Variants in CROCC observed in about 807,000 individuals in gnomAD.
CROCC encodes the protein rootletin.
A neutral mutation model predicts 245.2 loss-of-function variants in CROCC; 180 were observed. The observed-to-expected ratio is 0.73, with a 90% CI of 0.65 to 0.83. The LOEUF (loss-of-function observed/expected upper bound fraction) is 0.83, where lower values mean the gene tolerates loss of function less well. CROCC is among the 40% of genes least tolerant of loss of function. The pLI, the probability that CROCC is intolerant of heterozygous loss-of-function variation, is 0.00. For missense variants in CROCC, 2,688 were observed against 2,779.4 expected, an observed-to-expected ratio of 0.97 and a Z score of 0.74; for synonymous variants, 1,205 against 1,241.6, an observed-to-expected ratio of 0.97 and a Z score of 0.62.
chr1:16,928,422 G>GGA (rs2075585019), intron 3 of CROCC, among the ~76,000 whole-genome samples: 1 of 152,244 alleles, frequency 6.6e-6, no homozygotes, highest in African/African-American at 2.4e-5. Context: ...GAGGATGTGC[G>GGA]GGATGGAAGC....
At chr1:16,939,215 C>CGGGGGT (rs1464212435) in intron 12 of CROCC, 73 bp downstream of exon 12, 141 of 491,094 alleles carry the variant, frequency 2.9e-4, no homozygotes, top group African/African-American at 2.9e-3. Context: ...CGGGTGGGGG[C>CGGGGGT]GGGGGCGGGG....
intron 27 of CROCC, 122 bp downstream of exon 27, chr1:16,961,252 T>G (rs2076328969): frequency 3.0e-6 from 3 of 1,011,050 alleles, no homozygotes; most frequent in Admixed American, 4.5e-5. Context: ...CCACCACACC[T>G]CTCCACTGAG....
At position 16,937,751 on chromosome 1, in the gene CROCC, G is replaced by A; in HGVS notation, c.1290+14G>A. 6.2e-7 allele frequency: 1 copy of A among 1,600,128 alleles called. No individual in the cohort carries two copies. The highest frequency in any genetic ancestry group is 8.5e-7 in the Non-Finnish European group (1 of 1,170,906). On this transcript the variant is annotated intron_variant, in intron 10 of 36. Transcript: ENST00000375541. ...CTTGAGGCCCTGGTGAGCTGCAGGT[G>A]CCCCTGAGATGGGGCAGGGTGAGAT...
At chr1:16,925,971 T>C (rs1384455774) in intron 3 of CROCC, among the ~76,000 whole-genome samples, 1 of 152,240 alleles carries the variant, frequency 6.6e-6, no homozygotes, top group Non-Finnish European at 1.5e-5. Context: ...CAGGGCCGCC[T>C]CTTAAATGCC....
rs767230947 is a variant in CROCC, at chr1:16,965,999, G to C, written c.4576G>C (p.Asp1526His). 90 of 1,612,232 alleles carry C rather than the reference G, an allele frequency of 5.6e-5. No individual in the cohort carries two copies. Among genetic ancestry groups the C allele is most frequent in the Non-Finnish European group, 7.5e-5 (88 of 1,178,706 alleles). ...QELRSAQRER[D>H]ELRTQTSALN... ...TTGTTCCCCCATGTCGGGGCTACAGGACGAACTTCGGACCCAGACCAGTGC... is the reference window on the plus strand; with the variant it reads ...TTGTTCCCCCATGTCGGGGCTACAGCACGAACTTCGGACCCAGACCAGTGC... Residue 1526 changes from aspartate (D) to histidine (H), a missense_variant and splice_region_variant, in exon 29 of 37, where the codon GAC (aspartate) becomes CAC (histidine). Coordinates refer to ENST00000375541, the MANE Select transcript of CROCC (RefSeq NM_014675.5).
rs754854275 is a variant in CROCC, at chr1:16,968,305, G to C, written c.4963G>C (p.Glu1655Gln). 100 of 1,551,046 alleles carry C rather than the reference G, an allele frequency of 6.4e-5. No homozygotes were observed. Among genetic ancestry groups the C allele is most frequent in the Non-Finnish European group, 8.4e-5 (97 of 1,148,146 alleles). Residue 1655 changes from glutamate to glutamine, a missense_variant, in exon 31 of 37, where the codon GAG becomes CAG. Glu to Gln is a conservative substitution (Grantham distance 29, BLOSUM62 2). This residue lies in a region of CROCC where 1,218 missense variants were observed against 1,286.3 expected (regional missense o/e 0.95). Coordinates refer to ENST00000375541, the MANE Select transcript of CROCC (RefSeq NM_014675.5). ...CTCCGAGAGCCGCACTGTCAAGCTG[G>C]AGCTGCAGCGGCGCTCGCTTGAGGG... ...DASESRTVKL[E>Q]LQRRSLEGEL...
At chr1:16,915,475 TACA>T (rs529799791) in intron 1 of CROCC, among the ~76,000 whole-genome samples, 200 of 152,124 alleles carry the variant, frequency 1.3e-3, no homozygotes, top group African/African-American at 4.3e-3. Flanking sequence ...ATCTCATCTC[TACA>T]ACAAGTAAAA....
At chr1:16,946,532 GTC>G in intron 16 of CROCC, 127 bp downstream of exon 16, 1 of 1,379,960 alleles carries the variant, frequency 7.2e-7, no homozygotes, top group Non-Finnish European at 1.0e-6. Flanking sequence ...TTCTCTGTCT[GTC>G]TCTGGTTCTC....
chr1:16,922,528 C>T, intron 1 of CROCC, 135 bp from the exon 2 acceptor site: 1 of 1,307,886 alleles, frequency 7.6e-7, no homozygotes, highest in Non-Finnish European at 1.0e-6. Flanking sequence ...TGGATTCTAA[C>T]TCCCAGGCTT....
chr1:16,946,515 T>G, intron 16 of CROCC, 110 bp downstream of exon 16: 1 of 1,427,578 alleles, frequency 7.0e-7, no homozygotes, highest in East Asian at 2.3e-5. Flanking sequence ...TCCCTTTCTG[T>G]CCCTGGTTCT....
rs962910608 is a variant in CROCC at position 16,968,267 on chromosome 1, A to T, written c.4925A>T (p.Glu1642Val). 9 of 1,564,138 alleles carry T rather than the reference A, an allele frequency of 5.8e-6. No individual in the cohort carries two copies. The highest frequency in any genetic ancestry group is 7.8e-6 in the Non-Finnish European group (9 of 1,155,782). ...KLEGDKRRLK[E>V]VLDASESRTV... The stretch of plus-strand genomic sequence containing the variant: ...GAGGGCGACAAGCGGCGCCTGAAGG[A>T]GGTTCTGGACGCCTCCGAGAGCCGC... Residue 1642 changes from glutamate (E) to valine (V), a missense_variant, in exon 31 of 37, where the codon GAG (glutamate) becomes GTG (valine). Coordinates refer to ENST00000375541, the MANE Select transcript of CROCC (RefSeq NM_014675.5).
intron 3 of CROCC, among the ~76,000 whole-genome samples, chr1:16,924,701 G>A (rs1206078799): frequency 6.6e-6 from 1 of 152,288 alleles, no homozygotes; most frequent in African/African-American, 2.4e-5. Context: ...GGAATTGTAG[G>A]AATCAAGGAG....
chr1:16,965,810 C>T lies in CROCC; in HGVS notation c.4493C>T (p.Ala1498Val). Residue 1498 changes from alanine (A) to valine (V), a missense_variant, in exon 28 of 37, where the codon GCC becomes GTC. Ala to Val is a moderately conservative substitution (Grantham distance 64, BLOSUM62 0). Coordinates refer to ENST00000375541, the MANE Select transcript of CROCC (RefSeq NM_014675.5). ...TCTCCAGGACCTGCCACCTCCCCAG[C>T]CTCTCCAGACCTGGACCCGGAGGCA... ...PPSPGPATSPASPDLDPEAVR... is the reference protein window; with the variant it reads ...PPSPGPATSPVSPDLDPEAVR... The T allele has an allele frequency of 4.3e-6, 7 of 1,613,814 alleles. No homozygotes were observed. Among genetic ancestry groups the T allele is most frequent in the Non-Finnish European group, 5.1e-6 (6 of 1,180,042 alleles).
At position 16,960,253 on chromosome 1, in the gene CROCC, T is replaced by G. The variant is rs1003438610; in HGVS notation, c.4033-505T>G. Among the ~76,000 whole-genome samples the G allele has an allele frequency of 2.0e-5, 3 of 152,108 alleles. No individual in the cohort carries two copies. In the East Asian group the frequency reaches 5.8e-4, roughly 29 times the overall value. ...TGCACTCCAGCCTGGGTGACAGAGC[T>G]AGACTCTGTCTCCAAAAACAAACAA... On this transcript the variant is annotated intron_variant, in intron 26 of 36. Transcript: ENST00000375541.
Position 16,970,466 on chromosome 1 carries a change from C to A in CROCC, c.5652+13C>A. On this transcript the variant is annotated intron_variant, in intron 34 of 36. Coordinates refer to ENST00000375541, the MANE Select transcript of CROCC (RefSeq NM_014675.5). Reference sequence around the variant, plus strand: ...GACGCTGGACAAGGTAGGCTGCTCCCCAGGCTCTCCCCTCACTTCCTCTGG... The same window carrying A: ...GACGCTGGACAAGGTAGGCTGCTCCACAGGCTCTCCCCTCACTTCCTCTGG... 6.4e-7 allele frequency: 1 copy of A among 1,556,204 alleles called. No individual in the cohort carries two copies. The highest frequency in any genetic ancestry group is 1.2e-5 in the South Asian group (1 of 84,152).
At chr1:16,936,142 T>C (rs1314812339) in intron 8 of CROCC, among the ~76,000 whole-genome samples, 2 of 152,244 alleles carry the variant, frequency 1.3e-5, no homozygotes, top group Admixed American at 1.3e-4. Context: ...GTTTTTGAGA[T>C]GGAGTCTCAC....
intron 3 of CROCC, among the ~76,000 whole-genome samples, chr1:16,926,225 G>A (rs368065310): frequency 2.9e-3 from 444 of 152,058 alleles, no homozygotes; most frequent in African/African-American, 9.5e-3. Flanking sequence ...GGCAGGGGTG[G>A]AACAGGAATG....
At chr1:16,969,733 GA>G (rs2076481644) in intron 32 of CROCC, 51 bp from the exon 33 acceptor site, 1 of 1,573,876 alleles carries the variant, frequency 6.4e-7, no homozygotes, top group East Asian at 2.2e-5. Flanking sequence ...GAATAGAGAG[GA>G]CTCCTTAGGG....
At chr1:16,953,559 G>C (rs2076199778) in intron 21 of CROCC, 78 bp downstream of exon 21, 1 of 1,375,236 alleles carries the variant, frequency 7.3e-7, no homozygotes, top group African/African-American at 1.5e-5. Flanking sequence ...CTGCCACTTG[G>C]CAGCTAGGAG....
Sources: allele counts gnomAD v4.1 joint callset (sites outside exome capture counted in the v4.1 genomes callset), GRCh38; gene constraint gnomAD v4.1.1; regional missense constraint gnomAD v4.1.1; transcripts MANE v1.5; gene names NCBI Gene and HGNC (gene_info 2026-07-23, HGNC 2026-07-21).